GNAO1: variants seen among roughly 807,000 people sequenced by gnomAD.
The protein encoded by GNAO1 is guanine nucleotide-binding protein G(o) subunit alpha.
For missense variants in GNAO1, 166 were observed against 478.7 expected, an observed-to-expected ratio of 0.35 and a Z score of 6.10; for synonymous variants, 164 against 180.7, an observed-to-expected ratio of 0.91 and a Z score of 0.74.
In GNAO1 at chr16:56,276,326, G is replaced by T. The variant is rs1202125062; in HGVS notation, c.303+254G>T. The T allele has an allele frequency of 1.1e-5, 4 of 355,532 alleles. No individual in the cohort carries two copies. The East Asian group carries it at 1.9e-4, about 17-fold the overall frequency. The allele number at this position is 355,532 out of a possible 1,614,324, so 22.0% of individuals were successfully genotyped here. A position where few individuals can be genotyped will look rare whatever the true frequency, so the allele number is the denominator to read the frequency against. On this transcript the variant is annotated intron_variant, in intron 3 of 8. Coordinates refer to ENST00000262493, the MANE Select transcript of GNAO1 (RefSeq NM_020988.3). ...TTTATTTTGCAGATGAGGAAGAGTTGGTGACAGTTCTAAATTGGAGCTGCC... is the reference window on the plus strand; with the variant it reads ...TTTATTTTGCAGATGAGGAAGAGTTTGTGACAGTTCTAAATTGGAGCTGCC...
intron 2 of GNAO1, among the ~76,000 whole-genome samples, chr16:56,196,203 T>C (rs1426459873): frequency 4.6e-5 from 7 of 152,134 alleles, no homozygotes; most frequent in African/African-American, 1.7e-4. Context: ...ATCCAAAATA[T>C]TTCAGTACTG....
intron 7 of GNAO1, chr16:56,352,121 C>G (rs1165079902): frequency 6.5e-6 from 1 of 152,902 alleles, no homozygotes; most frequent in East Asian, 1.9e-4. Flanking sequence ...CGCCTCCTCT[C>G]TCCCCTTCTT....
intron 2 of GNAO1, among the ~76,000 whole-genome samples, chr16:56,269,364 G>A (rs1374294413): frequency 6.6e-6 from 1 of 152,106 alleles, no homozygotes; most frequent in African/African-American, 2.4e-5. Context: ...CGTGGACCCA[G>A]TTCACATCCT....
intron 2 of GNAO1, among the ~76,000 whole-genome samples, chr16:56,195,276 C>T (rs1351242185): frequency 6.6e-6 from 1 of 152,182 alleles, no homozygotes; most frequent in Admixed American, 6.5e-5. Flanking sequence ...GGCGTCCTGT[C>T]CTCCTGAAGC....
chr16:56,218,186 T>A (rs2036452890), intron 2 of GNAO1, among the ~76,000 whole-genome samples: 1 of 152,234 alleles, frequency 6.6e-6, no homozygotes, highest in African/African-American at 2.4e-5. Flanking sequence ...GTCTCTTTAT[T>A]TCCTTTCTGT....
At chr16:56,335,814 C>T (rs188676194) in intron 5 of GNAO1, among the ~76,000 whole-genome samples, 11 of 152,348 alleles carry the variant, frequency 7.2e-5, no homozygotes, top group Admixed American at 6.5e-4. Flanking sequence ...GCCACAGAGG[C>T]CATCTGCCAA....
chr16:56,267,217 A>C (rs1242887930), intron 2 of GNAO1, among the ~76,000 whole-genome samples: 1 of 151,996 alleles, frequency 6.6e-6, no homozygotes, highest in Non-Finnish European at 1.5e-5. Flanking sequence ...TGCTGAGCCC[A>C]CCTCCAAGTA....
chr16:56,198,936 T>C (rs2036258011), intron 2 of GNAO1, among the ~76,000 whole-genome samples: 1 of 152,226 alleles, frequency 6.6e-6, no homozygotes, highest in Admixed American at 6.5e-5. Context: ...ATGGCGCAGC[T>C]GCTTCAGCCC....
chr16:56,294,051 T>G (rs1318781449), intron 3 of GNAO1, among the ~76,000 whole-genome samples: 1 of 152,186 alleles, frequency 6.6e-6, no homozygotes, highest in Non-Finnish European at 1.5e-5. Flanking sequence ...TACTATACTT[T>G]ATAGATGAGC....
chr16:56,201,308 C>T (rs2036280238), intron 2 of GNAO1, among the ~76,000 whole-genome samples: 1 of 152,172 alleles, frequency 6.6e-6, no homozygotes, highest in South Asian at 2.1e-4. Context: ...GGCAGAGGGA[C>T]TGGCATGTGT....
At chr16:56,207,944 C>T (rs1376301856) in intron 2 of GNAO1, among the ~76,000 whole-genome samples, 2 of 152,158 alleles carry the variant, frequency 1.3e-5, no homozygotes, top group African/African-American at 4.8e-5. Context: ...CCAAGAATGT[C>T]CCTAAATATC....
intron 2 of GNAO1, among the ~76,000 whole-genome samples, chr16:56,196,143 C>T (rs188048604): frequency 6.6e-6 from 1 of 152,090 alleles, no homozygotes; most frequent in Non-Finnish European, 1.5e-5. Flanking sequence ...GGTTCCCCCC[C>T]CCTTGTGTGT....
At chr16:56,201,306 G>C (rs2036280176) in intron 2 of GNAO1, among the ~76,000 whole-genome samples, 1 of 152,202 alleles carries the variant, frequency 6.6e-6, no homozygotes, top group South Asian at 2.1e-4. Flanking sequence ...CAGGCAGAGG[G>C]ACTGGCATGT....
rs572643360 is a variant in GNAO1, at chr16:56,221,581, C to A, written c.161+28965C>A. Among the ~76,000 whole-genome samples, 125 of 142,484 alleles carry A rather than the reference C, an allele frequency of 8.8e-4. 3 individuals are homozygous for A. The South Asian group carries it at 0.027, about 31-fold the overall frequency. The allele number at this position is 142,484 out of a possible 152,430, so 93.5% of individuals were successfully genotyped here. A position where few individuals can be genotyped will look rare whatever the true frequency, so the allele number is the denominator to read the frequency against. ...AGGAGAATCGCTTGAACCCAGGAGG[C>A]AGAGGTTGCAGTGAGCCGAGATCGC... On this transcript the variant is annotated intron_variant, in intron 2 of 8. Coordinates refer to ENST00000262493, the MANE Select transcript of GNAO1 (RefSeq NM_020988.3).
chr16:56,196,097 C>T (rs947259102), intron 2 of GNAO1, among the ~76,000 whole-genome samples: 24 of 152,032 alleles, frequency 1.6e-4, no homozygotes, highest in African/African-American at 5.6e-4. Context: ...ATTCTCAGTA[C>T]TTATATTAAA....
intron 2 of GNAO1, among the ~76,000 whole-genome samples, chr16:56,198,121 C>T (rs1216080323): frequency 1.3e-5 from 2 of 152,158 alleles, no homozygotes; most frequent in Non-Finnish European, 2.9e-5. Flanking sequence ...ATAGAGAAAA[C>T]TTTTGATTCT....
chr16:56,332,811 C>T (rs1423126859), intron 4 of GNAO1, among the ~76,000 whole-genome samples: 3 of 152,364 alleles, frequency 2.0e-5, no homozygotes, highest in Non-Finnish European at 4.4e-5. Flanking sequence ...AAGAGCAGGA[C>T]CAAACGCTTC....
chr16:56,344,526 T>C (rs1461881394), intron 6 of GNAO1: 1 of 987,876 alleles, frequency 1.0e-6, no homozygotes, highest in Non-Finnish European at 1.2e-6. Context: ...CAGCCCTTCC[T>C]TCTCTGGGTC....
chr16:56,236,552 C>T (rs980040493), intron 2 of GNAO1, among the ~76,000 whole-genome samples: 3 of 152,134 alleles, frequency 2.0e-5, no homozygotes, highest in African/African-American at 7.2e-5. Context: ...ATCAGAGAGA[C>T]GAAGTACCAG....
Sources: gnomAD v4.1 joint callset for allele counts (sites outside exome capture counted in the v4.1 genomes callset) on GRCh38, gnomAD v4.1.1 for gene constraint, MANE v1.5 for transcripts, NCBI Gene and HGNC (gene_info 2026-07-23, HGNC 2026-07-21) for gene names.